The following LRRC4C variants were observed in gnomAD, a reference collection of about 807,000 sequenced individuals.
LRRC4C encodes the protein leucine-rich repeat-containing protein 4C.
Under a neutral mutation model 33.6 loss-of-function variants are expected in LRRC4C, and 5 were observed. The observed-to-expected ratio is 0.15, with a 90% CI of 0.08 to 0.31. LRRC4C has a LOEUF of 0.31. Among genes scored for constraint, LRRC4C ranks in the 10% least tolerant of loss-of-function variants. The pLI is 1.00. For missense variants in LRRC4C, 560 were observed against 796.7 expected (o/e 0.70, Z 3.58); for synonymous variants, 329 against 302.0 (o/e 1.09, Z -0.93).
At chr11:40,242,178 G>T (rs1865970307) in intron 4 of LRRC4C, among the ~76,000 whole-genome samples, 2 of 152,078 alleles carry the variant, frequency 1.3e-5, no homozygotes, top group Admixed American at 1.3e-4. Context: ...GGTGTTTTTG[G>T]AAATGTTTTT....
intron 2 of LRRC4C, among the ~76,000 whole-genome samples, chr11:40,703,905 A>C (rs922488145): frequency 2.0e-5 from 3 of 152,164 alleles, no homozygotes. Flanking sequence ...CATTTTAATA[A>C]AAAGATTAAG....
intron 2 of LRRC4C, among the ~76,000 whole-genome samples, chr11:40,796,597 G>A (rs1313856629): frequency 6.7e-6 from 1 of 148,968 alleles, no homozygotes; most frequent in Non-Finnish European, 1.5e-5. Context: ...AAATCTGATA[G>A]CTGGTTTAGG....
chr11:40,759,507 T>C (rs1005266929), intron 2 of LRRC4C, among the ~76,000 whole-genome samples: 3 of 152,002 alleles, frequency 2.0e-5, no homozygotes, highest in East Asian at 1.9e-4. Flanking sequence ...CAGTACATAT[T>C]TGAGTGAATA....
chr11:41,185,499 T>C (rs1366895689), intron 1 of LRRC4C, among the ~76,000 whole-genome samples: 1 of 152,212 alleles, frequency 6.6e-6, no homozygotes, highest in Non-Finnish European at 1.5e-5. Flanking sequence ...TGTAGTTGCA[T>C]GTATAACCTC....
At chr11:41,018,770 T>A (rs1044790073) in intron 1 of LRRC4C, among the ~76,000 whole-genome samples, 21 of 152,122 alleles carry the variant, frequency 1.4e-4, no homozygotes. Flanking sequence ...CCAATGCAGG[T>A]GACTCTGCGT....
intron 1 of LRRC4C, among the ~76,000 whole-genome samples, chr11:41,362,206 C>G (rs1952379621): frequency 6.6e-6 from 1 of 152,098 alleles, no homozygotes; most frequent in Non-Finnish European, 1.5e-5. Context: ...TCTCACAACC[C>G]TTTCATTACT....
At chr11:40,808,068 A>T (rs751564827) in intron 2 of LRRC4C, among the ~76,000 whole-genome samples, 1 of 152,216 alleles carries the variant, frequency 6.6e-6, no homozygotes, top group Non-Finnish European at 1.5e-5. Context: ...AAATGGGAAG[A>T]ATAATAGCTA....
chr11:41,220,371 C>T (rs1947248813), intron 1 of LRRC4C, among the ~76,000 whole-genome samples: 1 of 152,082 alleles, frequency 6.6e-6, no homozygotes, highest in Non-Finnish European at 1.5e-5. Context: ...TGAAATACCC[C>T]TCTCCAAGGG....
intron 2 of LRRC4C, among the ~76,000 whole-genome samples, chr11:40,858,086 A>C (rs1953889968): frequency 6.6e-6 from 1 of 151,708 alleles, no homozygotes; most frequent in African/African-American, 2.4e-5. Flanking sequence ...CAATGTGTTA[A>C]CTACTGCCCA....
At chr11:40,214,010 T>C (rs1863795049) in intron 5 of LRRC4C, among the ~76,000 whole-genome samples, 1 of 152,158 alleles carries the variant, frequency 6.6e-6, no homozygotes, top group Admixed American at 6.5e-5. Context: ...TTTAATCCCA[T>C]TGTTAGTAAA....
intron 1 of LRRC4C, among the ~76,000 whole-genome samples, chr11:41,139,647 T>C (rs369685876): frequency 6.6e-5 from 10 of 152,302 alleles, no homozygotes; most frequent in African/African-American, 2.4e-4. Flanking sequence ...ACCAGCACAA[T>C]CCTCAAGTTC....
chr11:40,996,328 T>G (rs1301947825), intron 1 of LRRC4C, among the ~76,000 whole-genome samples: 1 of 152,032 alleles, frequency 6.6e-6, no homozygotes, highest in East Asian at 1.9e-4. Flanking sequence ...GTTCTCTTTG[T>G]GATTCTAGCT....
intron 2 of LRRC4C, among the ~76,000 whole-genome samples, chr11:40,682,746 C>CAATAAATAAATAAATAAATAAATAAATA (rs10523318): frequency 7.1e-6 from 1 of 141,592 alleles, no homozygotes; most frequent in African/African-American, 2.6e-5. Flanking sequence ...GACTCTGTCT[C>CAATAAATAAATAAATAAATAAATAAATA]AATAAATAAA....
At chr11:41,377,766 A>G (rs1329114271) in intron 1 of LRRC4C, among the ~76,000 whole-genome samples, 1 of 152,156 alleles carries the variant, frequency 6.6e-6, no homozygotes, top group African/African-American at 2.4e-5. Context: ...GGTGTGGCCT[A>G]CTGGGGACCA....
At chr11:40,633,325 T>TTC (rs772299978) in intron 3 of LRRC4C, among the ~76,000 whole-genome samples, 8 of 112,242 alleles carry the variant, frequency 7.1e-5, no homozygotes, top group African/African-American at 1.8e-4. Context: ...CAAGTTTTCT[T>TTC]TTTCTTTCTT....
intron 1 of LRRC4C, among the ~76,000 whole-genome samples, chr11:41,178,811 C>T (rs1207460364): frequency 1.3e-5 from 2 of 152,118 alleles, no homozygotes; most frequent in Non-Finnish European, 2.9e-5. Context: ...TCAAGCAATT[C>T]TCTGCCTCAG....
At chr11:40,494,365 T>C (rs1303061653) in intron 3 of LRRC4C, among the ~76,000 whole-genome samples, 1 of 152,216 alleles carries the variant, frequency 6.6e-6, no homozygotes, top group African/African-American at 2.4e-5. Context: ...TAACAATAAA[T>C]AATGTTGGAA....
intron 1 of LRRC4C, among the ~76,000 whole-genome samples, chr11:41,071,343 C>A (rs1438539987): frequency 1.3e-5 from 2 of 152,054 alleles, no homozygotes; most frequent in African/African-American, 2.4e-5. Flanking sequence ...GTGCAGCAAA[C>A]CACCATGGCC....
intron 3 of LRRC4C, among the ~76,000 whole-genome samples, chr11:40,400,998 T>A (rs1949736932): frequency 6.6e-6 from 1 of 152,160 alleles, no homozygotes. Context: ...GCATAGAATG[T>A]CTGCACAGAG....
Sources: allele counts gnomAD v4.1 joint callset (sites outside exome capture counted in the v4.1 genomes callset), GRCh38; gene constraint gnomAD v4.1.1; transcripts MANE v1.5; gene names NCBI Gene and HGNC (gene_info 2026-07-23, HGNC 2026-07-21).